The following UBXN2A variants were observed in gnomAD, a reference collection of about 807,000 sequenced individuals.
UBXN2A encodes the protein UBX domain-containing protein 2A.
In UBXN2A, 28 loss-of-function variants were observed where a neutral mutation model predicts 28.4. That is an observed-to-expected ratio of 0.99 (90% CI 0.73 to 1.35). The LOEUF (loss-of-function observed/expected upper bound fraction) is 1.35. UBXN2A is among the 40% of genes most tolerant of loss of function. The pLI is 0.00. For synonymous variants in UBXN2A, 97 were observed against 103.6 expected, an observed-to-expected ratio of 0.94 and a Z score of 0.39; for missense variants, 253 against 297.9, an observed-to-expected ratio of 0.85 and a Z score of 1.11.
rs932015067 is a variant in UBXN2A, at chr2:24,002,280, C to G, written c.*2413C>G. 3.3e-5 allele frequency: 5 copies of G among 151,956 alleles called. No individual in the cohort carries two copies. The highest frequency in any genetic ancestry group is 2.0e-4 in the East Asian group (1 of 5,058). 9.4% of individuals were successfully genotyped at this position (151,956 alleles called of 1,614,324 possible). The stretch of plus-strand genomic sequence containing the variant: ...ATTAGCCTGGTGTGGTGGCACATGC[C>G]TGTAATCTCAGCTACTAGGGAGGCT... On this transcript the variant is annotated 3_prime_UTR_variant, in exon 7 of 7. Coordinates refer to ENST00000309033, the MANE Select transcript of UBXN2A (RefSeq NM_181713.4).
At position 23,972,614 on chromosome 2, in the gene UBXN2A, G is replaced by T. The variant is rs188152249; in HGVS notation, c.180+1200G>T. ...TGAGGCGGGTGGATCACGAGGTCAG[G>T]AGTTCAAGATCAGCCTGATCAACAT... On this transcript the variant is annotated intron_variant, in intron 3 of 6. Transcript: ENST00000309033. Among the ~76,000 whole-genome samples, 230 of 152,254 alleles carry T rather than the reference G, an allele frequency of 1.5e-3. 1 individual carries two copies. Among genetic ancestry groups the T allele is most frequent in the African/African-American group, 5.3e-3 (222 of 41,552 alleles).
intron 6 of UBXN2A, among the ~76,000 whole-genome samples, chr2:23,988,112 G>A (rs558549084): frequency 5.2e-4 from 71 of 135,428 alleles, no homozygotes; most frequent in Non-Finnish European, 1.0e-3. Flanking sequence ...GACAGAGTGA[G>A]GCTCCATCTC....
chr2:23,971,623 C>T (rs942711715), intron 3 of UBXN2A, among the ~76,000 whole-genome samples: 4 of 151,986 alleles, frequency 2.6e-5, no homozygotes, highest in Non-Finnish European at 5.9e-5. Context: ...GCAGGTAGCC[C>T]GGACCTCAGC....
intron 4 of UBXN2A, among the ~76,000 whole-genome samples, chr2:23,977,956 C>T (rs748334410): frequency 1.3e-5 from 2 of 152,006 alleles, no homozygotes; most frequent in African/African-American, 2.4e-5. Context: ...CTCAGCCTCC[C>T]GAGTAGCTGA....
intron 6 of UBXN2A, among the ~76,000 whole-genome samples, chr2:23,986,102 A>T (rs911029905): frequency 3.3e-5 from 5 of 152,140 alleles, no homozygotes; most frequent in African/African-American, 9.6e-5. Context: ...AGGTCAGGAG[A>T]TCGAGACCAT....
intron 2 of UBXN2A, among the ~76,000 whole-genome samples, chr2:23,970,421 A>AT (rs1707366108): frequency 6.6e-6 from 1 of 151,940 alleles, no homozygotes; most frequent in African/African-American, 2.4e-5. Context: ...AACACTGGGG[A>AT]TTGGGGATGG....
At chr2:23,959,435 T>C (rs745536702) in intron 2 of UBXN2A, among the ~76,000 whole-genome samples, 3 of 152,048 alleles carry the variant, frequency 2.0e-5, no homozygotes, top group Non-Finnish European at 4.4e-5. Flanking sequence ...GAGGTTTCAG[T>C]GAGCCAAGAC....
rs981248903 is a variant in UBXN2A at position 23,981,339 on chromosome 2, G to A, written c.288-1557G>A. On this transcript the variant is annotated intron_variant, in intron 4 of 6. Transcript: ENST00000309033. ...AAAAAAAAACCTAAAAAAATCACCC[G>A]TGGTGGCACACACCTATAGTCCTGG... 4.7e-5 allele frequency among the ~76,000 whole-genome samples: 7 copies of A among 148,082 alleles called. No homozygotes were observed. The South Asian group carries it at 8.6e-4, about 18-fold the overall frequency.
intron 1 of UBXN2A, among the ~76,000 whole-genome samples, chr2:23,940,878 C>CT (rs1382214937): frequency 7.3e-5 from 5 of 68,682 alleles, no homozygotes; most frequent in Non-Finnish European, 1.4e-4. Flanking sequence ...CCCCGAGCCC[C>CT]TGACTCGCCT....
chr2:23,944,239 T>A, intron 1 of UBXN2A: 1 of 1,600,022 alleles, frequency 6.2e-7, no homozygotes, highest in Admixed American at 1.7e-5. Context: ...TGGAATGGGA[T>A]CCAACACTTG....
chr2:23,968,433 T>A (rs1219530302), intron 2 of UBXN2A, among the ~76,000 whole-genome samples: 2 of 152,016 alleles, frequency 1.3e-5, no homozygotes, highest in Non-Finnish European at 2.9e-5. Context: ...TCCCAGCACT[T>A]CGGGAGGCTG....
At chr2:23,940,151 C>T (rs1428765242), upstream of UBXN2A, among the ~76,000 whole-genome samples, 1 of 149,684 alleles carries the variant, frequency 6.7e-6, no homozygotes, top group African/African-American at 2.5e-5. Flanking sequence ...GTTTCTTCAA[C>T]TTCGTTGTCC....
intron 1 of UBXN2A, among the ~76,000 whole-genome samples, chr2:23,951,649 C>T (rs1706378537): frequency 1.3e-5 from 2 of 151,554 alleles, no homozygotes; most frequent in African/African-American, 2.4e-5. Context: ...TTAGTAGAGA[C>T]GGGGTTTCAC....
chr2:23,996,493 T>C (rs1708537728), intron 6 of UBXN2A, among the ~76,000 whole-genome samples: 1 of 150,858 alleles, frequency 6.6e-6, no homozygotes, highest in East Asian at 2.0e-4. Flanking sequence ...TTTTTTTTTT[T>C]AAGATAGAGT....
chr2:23,978,593 A>G (rs1436876127), intron 4 of UBXN2A, among the ~76,000 whole-genome samples: 3 of 151,914 alleles, frequency 2.0e-5, no homozygotes, highest in Admixed American at 2.0e-4. Flanking sequence ...GCAGTGAGCC[A>G]GGATCACGCC....
chr2:23,937,718 A>G (rs1705569778), upstream of UBXN2A, among the ~76,000 whole-genome samples: 1 of 152,256 alleles, frequency 6.6e-6, no homozygotes, highest in Non-Finnish European at 1.5e-5. Flanking sequence ...TGTACGTGGA[A>G]AACTATAAAA....
upstream of UBXN2A, chr2:23,939,469 G>A (rs1705640518): frequency 6.6e-6 from 1 of 152,408 alleles, no homozygotes; most frequent in Admixed American, 6.6e-5. Flanking sequence ...GTGGGGAAGT[G>A]GGGAGAAGAC....
intron 1 of UBXN2A, among the ~76,000 whole-genome samples, chr2:23,952,096 AG>A (rs1305040407): frequency 6.6e-6 from 1 of 151,134 alleles, no homozygotes; most frequent in Non-Finnish European, 1.5e-5. Context: ...CCTCTCAAGT[AG>A]CTGGGACTAC....
chr2:23,928,434 AG>A (rs1209747347), intron 1 of UBXN2A, among the ~76,000 whole-genome samples: 1 of 151,724 alleles, frequency 6.6e-6, no homozygotes, highest in Non-Finnish European at 1.5e-5. Flanking sequence ...AAAATTAGCC[AG>A]GTGTCGTGGT....
Sources: gnomAD v4.1 joint callset for allele counts (sites outside exome capture counted in the v4.1 genomes callset) on GRCh38, gnomAD v4.1.1 for gene constraint, MANE v1.5 for transcripts, NCBI Gene and HGNC (gene_info 2026-07-23, HGNC 2026-07-21) for gene names.